EPHA6: variants seen among roughly 807,000 people sequenced by gnomAD.
EPHA6 encodes the protein ephrin type-A receptor 6.
A neutral mutation model predicts 112.0 loss-of-function variants in EPHA6; 50 were observed. That is an observed-to-expected ratio of 0.45 (90% CI 0.36 to 0.56). The LOEUF (loss-of-function observed/expected upper bound fraction) is 0.56, where lower values mean the gene tolerates loss of function less well. EPHA6 is among the 20% of genes least tolerant of loss of function. The pLI is 0.00. For synonymous variants in EPHA6, 529 were observed against 490.7 expected (o/e 1.08, Z -1.03); for missense variants, 1,280 against 1,417.4 (o/e 0.90, Z 1.56).
chr3:97,398,449 T>A (rs1285541682), intron 5 of EPHA6, among the ~76,000 whole-genome samples: 1 of 151,508 alleles, frequency 6.6e-6, no homozygotes, highest in African/African-American at 2.4e-5. Context: ...AATGGTGGTT[T>A]ATTAAGAGCG....
chr3:97,117,945 C>G (rs2047939031), intron 3 of EPHA6, among the ~76,000 whole-genome samples: 1 of 151,594 alleles, frequency 6.6e-6, no homozygotes, highest in African/African-American at 2.4e-5. Flanking sequence ...TATTCAGTTC[C>G]TTTAGTGTTT....
intron 1 of EPHA6, among the ~76,000 whole-genome samples, chr3:96,866,100 G>A (rs756125702): frequency 5.9e-5 from 9 of 151,974 alleles, no homozygotes; most frequent in South Asian, 2.1e-4. Flanking sequence ...ATTGGATCCC[G>A]TTTGTGAAGT....
intron 5 of EPHA6, among the ~76,000 whole-genome samples, chr3:97,317,464 T>C (rs1450709698): frequency 6.6e-6 from 1 of 152,020 alleles, no homozygotes; most frequent in African/African-American, 2.4e-5. Context: ...GTTATCATGG[T>C]AGTCATGATA....
intron 5 of EPHA6, among the ~76,000 whole-genome samples, chr3:97,276,527 G>A (rs2080087200): frequency 6.6e-6 from 1 of 152,160 alleles, no homozygotes; most frequent in South Asian, 2.1e-4. Context: ...TGCTGGAGAT[G>A]TGGCTGGGGT....
intron 7 of EPHA6, among the ~76,000 whole-genome samples, chr3:97,450,451 AT>A (rs1160790885): frequency 6.6e-6 from 1 of 152,072 alleles, no homozygotes; most frequent in Non-Finnish European, 1.5e-5. Context: ...TGAGTATTGC[AT>A]TTTTAAGTGA....
intron 2 of EPHA6, among the ~76,000 whole-genome samples, chr3:96,964,025 A>G (rs2042037089): frequency 6.6e-6 from 1 of 152,038 alleles, no homozygotes. Context: ...TATATTTTTA[A>G]TATTTGTGGG....
At chr3:97,743,690 G>A (rs76207260) in intron 16 of EPHA6, among the ~76,000 whole-genome samples, 9,660 of 152,052 alleles carry the variant, frequency 0.064, 419 homozygotes, top group Middle Eastern at 0.095. Context: ...TATTAGCTAG[G>A]AAACAAGAAG....
intron 2 of EPHA6, among the ~76,000 whole-genome samples, chr3:96,964,974 A>G (rs2042072833): frequency 6.6e-6 from 1 of 152,186 alleles, no homozygotes; most frequent in Non-Finnish European, 1.5e-5. Flanking sequence ...AAATTCAGAG[A>G]GACTCCAGGG....
At chr3:97,731,721 A>G (rs962798736) in intron 15 of EPHA6, among the ~76,000 whole-genome samples, 4 of 152,106 alleles carry the variant, frequency 2.6e-5, no homozygotes, top group Non-Finnish European at 5.9e-5. Flanking sequence ...TAAAACACCT[A>G]GCTCAGAACT....
chr3:96,979,868 C>T (rs1460299584), intron 2 of EPHA6, among the ~76,000 whole-genome samples: 1 of 152,184 alleles, frequency 6.6e-6, no homozygotes, highest in Non-Finnish European at 1.5e-5. Context: ...AGTGTCTGTT[C>T]ATATCCTTCA....
intron 11 of EPHA6, among the ~76,000 whole-genome samples, chr3:97,586,133 C>T (rs1285045629): frequency 1.3e-5 from 2 of 152,168 alleles, no homozygotes; most frequent in Non-Finnish European, 2.9e-5. Context: ...TTTGTATCCA[C>T]TCACTCAACT....
chr3:97,353,888 T>C (rs1247757577), intron 5 of EPHA6, among the ~76,000 whole-genome samples: 1 of 152,126 alleles, frequency 6.6e-6, no homozygotes, highest in Admixed American at 6.5e-5. Context: ...ACAGGGGTGC[T>C]TATGTTACCC....
At chr3:97,122,432 A>G (rs1348274040) in intron 3 of EPHA6, among the ~76,000 whole-genome samples, 1 of 152,038 alleles carries the variant, frequency 6.6e-6, no homozygotes, top group East Asian at 1.9e-4. Flanking sequence ...GTTATACATC[A>G]TGTTGGTTTG....
chr3:97,372,871 A>C (rs2085139959), intron 5 of EPHA6, among the ~76,000 whole-genome samples: 1 of 152,128 alleles, frequency 6.6e-6, no homozygotes, highest in African/African-American at 2.4e-5. Flanking sequence ...GGAATAAAAA[A>C]CGAGATAATT....
intron 3 of EPHA6, among the ~76,000 whole-genome samples, chr3:97,187,743 AAG>A (rs1322248168): frequency 2.0e-3 from 286 of 145,672 alleles, no homozygotes; most frequent in Non-Finnish European, 3.3e-3. Context: ...GAAAGAAAGA[AAG>A]AGGAAAGAAA....
chr3:96,952,887 G>A (rs2041607414), intron 2 of EPHA6, among the ~76,000 whole-genome samples: 1 of 151,940 alleles, frequency 6.6e-6, no homozygotes, highest in Non-Finnish European at 1.5e-5. Flanking sequence ...AGGAGGGAGA[G>A]GATTAGGAAA....
Position 97,017,131 on chromosome 3 carries a change from A to G in EPHA6, c.1114+29138A>G, listed in dbSNP as rs115622744. ...CTATCTACCCAAAATAAGCACCTTC[A>G]TAAGAACCAAAAATCAGGTGAGCAT... On this transcript the variant is annotated intron_variant, in intron 3 of 17. Coordinates refer to ENST00000389672, the MANE Select transcript of EPHA6 (RefSeq NM_001080448.3). 6.0e-3 allele frequency among the ~76,000 whole-genome samples: 917 copies of G among 152,342 alleles called. 3 individuals are homozygous for G. Among genetic ancestry groups the G allele is most frequent in the Middle Eastern group, 0.024 (7 of 294 alleles).
At chr3:97,164,250 G>A (rs1004626311) in intron 3 of EPHA6, among the ~76,000 whole-genome samples, 13 of 152,124 alleles carry the variant, frequency 8.5e-5, no homozygotes, top group Admixed American at 7.9e-4. Flanking sequence ...TTGTGCTAGG[G>A]ACTATCTATC....
At chr3:97,628,802 C>T (rs984376) in intron 13 of EPHA6, among the ~76,000 whole-genome samples, 26,830 of 151,878 alleles carry the variant, frequency 0.18, 2,816 homozygotes, top group Admixed American at 0.27. Flanking sequence ...TTTATTAGCA[C>T]ACTTTTCTTG....
Sources: allele counts gnomAD v4.1 joint callset (sites outside exome capture counted in the v4.1 genomes callset), GRCh38; gene constraint gnomAD v4.1.1; transcripts MANE v1.5; gene names NCBI Gene and HGNC (gene_info 2026-07-23, HGNC 2026-07-21).